GUCY1A2: variants seen among roughly 807,000 people sequenced by gnomAD.
The protein encoded by GUCY1A2 is guanylate cyclase soluble subunit alpha-2.
GUCY1A2 carries 27 observed loss-of-function variants against 63.5 expected under a neutral mutation model. That is an observed-to-expected ratio of 0.43 (90% CI 0.31 to 0.59). The LOEUF (loss-of-function observed/expected upper bound fraction) is 0.59. Among genes scored for constraint, GUCY1A2 ranks in the 20% least tolerant of loss-of-function variants. GUCY1A2 has a pLI of 0.11. For synonymous variants in GUCY1A2, 364 were observed against 343.5 expected (o/e 1.06, Z -0.66); for missense variants, 768 against 913.3 (o/e 0.84, Z 2.05).
At chr11:106,754,482 G>T (rs1863938080) in intron 6 of GUCY1A2, among the ~76,000 whole-genome samples, 1 of 152,060 alleles carries the variant, frequency 6.6e-6, no homozygotes, top group African/African-American at 2.4e-5. Flanking sequence ...GTATGATATT[G>T]GCTGTGGGTC....
chr11:106,722,364 T>C (rs1863331372), intron 6 of GUCY1A2, among the ~76,000 whole-genome samples: 1 of 151,928 alleles, frequency 6.6e-6, no homozygotes, highest in Non-Finnish European at 1.5e-5. Flanking sequence ...TCCTCCCAAA[T>C]TTAGCTATTT....
chr11:106,711,812 G>A (rs1863125127), intron 6 of GUCY1A2, among the ~76,000 whole-genome samples: 1 of 151,978 alleles, frequency 6.6e-6, no homozygotes, highest in Non-Finnish European at 1.5e-5. Flanking sequence ...ACTGCATATT[G>A]AATTCTAGGT....
At chr11:106,958,510 T>A (rs886980264) in intron 3 of GUCY1A2, among the ~76,000 whole-genome samples, 25 of 152,148 alleles carry the variant, frequency 1.6e-4, no homozygotes, top group African/African-American at 6.0e-4. Flanking sequence ...CTTTAAAGTA[T>A]CTGAAAATAG....
At chr11:106,787,868 T>A (rs113883968) in intron 5 of GUCY1A2, among the ~76,000 whole-genome samples, 1,932 of 152,184 alleles carry the variant, frequency 0.013, 25 homozygotes, top group South Asian at 0.048. Flanking sequence ...ATCTCTTCCA[T>A]ATACTTACTT....
At chr11:106,865,957 G>T (rs1859586536) in intron 4 of GUCY1A2, among the ~76,000 whole-genome samples, 1 of 151,704 alleles carries the variant, frequency 6.6e-6, no homozygotes, top group Non-Finnish European at 1.5e-5. Context: ...AACTTCTTGA[G>T]AAAATAAACA....
intron 4 of GUCY1A2, among the ~76,000 whole-genome samples, chr11:106,923,966 C>T (rs187476491): frequency 6.6e-6 from 1 of 152,024 alleles, no homozygotes; most frequent in Non-Finnish European, 1.5e-5. Context: ...TTGAGATAAA[C>T]CAAAATTATA....
chr11:106,932,890 G>A (rs1388759470), intron 4 of GUCY1A2, among the ~76,000 whole-genome samples: 2 of 152,112 alleles, frequency 1.3e-5, no homozygotes, highest in African/African-American at 2.4e-5. Flanking sequence ...TTCAATAAAT[G>A]GTGCTGGGAT....
intron 4 of GUCY1A2, among the ~76,000 whole-genome samples, chr11:106,864,982 A>G (rs572414583): frequency 7.6e-4 from 116 of 152,240 alleles, no homozygotes; most frequent in Admixed American, 1.6e-3. Flanking sequence ...AATGAATTTC[A>G]GAAGGAATGG....
chr11:107,011,735 C>A (rs773056283), intron 1 of GUCY1A2, among the ~76,000 whole-genome samples: 3 of 148,352 alleles, frequency 2.0e-5, no homozygotes, highest in South Asian at 2.1e-4. Flanking sequence ...AGTGAAAGTT[C>A]TACTCTTCAG....
intron 3 of GUCY1A2, among the ~76,000 whole-genome samples, chr11:106,957,892 G>A (rs12804633): frequency 0.38 from 38,856 of 101,762 alleles, 8,194 homozygotes; most frequent in Non-Finnish European, 0.46. Context: ...TTTTTTTTCA[G>A]AAAAAAAAGG....
At chr11:106,702,075 G>A (rs1187757730) in intron 7 of GUCY1A2, among the ~76,000 whole-genome samples, 1 of 152,086 alleles carries the variant, frequency 6.6e-6, no homozygotes, top group Non-Finnish European at 1.5e-5. Context: ...AATGTTCTTA[G>A]TGACTTATTT....
At chr11:106,909,780 G>A (rs1860268028) in intron 4 of GUCY1A2, among the ~76,000 whole-genome samples, 1 of 151,790 alleles carries the variant, frequency 6.6e-6, no homozygotes, top group Non-Finnish European at 1.5e-5. Context: ...GTTGCTTTTG[G>A]TTTTTAGCCA....
At chr11:106,708,709 T>C (rs757136157) in intron 6 of GUCY1A2, 43 bp from the exon 7 acceptor site, 1 of 1,381,966 alleles carries the variant, frequency 7.2e-7, no homozygotes, top group East Asian at 2.6e-5. Flanking sequence ...TTTGTTTCCA[T>C]TTGGTATGCA....
At chr11:106,794,890 C>G (rs1864726615) in intron 5 of GUCY1A2, among the ~76,000 whole-genome samples, 1 of 152,164 alleles carries the variant, frequency 6.6e-6, no homozygotes, top group Non-Finnish European at 1.5e-5. Flanking sequence ...TCCCTTCTTT[C>G]ATAGCAAATT....
intron 6 of GUCY1A2, among the ~76,000 whole-genome samples, chr11:106,737,601 C>G (rs567897377): frequency 1.8e-4 from 27 of 152,224 alleles, no homozygotes; most frequent in African/African-American, 5.8e-4. Flanking sequence ...CCCTGTGTCC[C>G]TGTGTTCTCA....
Position 106,681,021 on chromosome 11 carries a change from A to G in GUCY1A2, c.*6528T>C, listed in dbSNP as rs545477179. The G allele has an allele frequency of 6.3e-5, 13 of 205,956 alleles. No homozygotes were observed. In the South Asian group the frequency reaches 1.5e-3, roughly 24 times the overall value. 12.8% of individuals were successfully genotyped at this position (205,956 alleles called of 1,614,324 possible). ...AAATGATGAAGTAAATTTAACTACT[A>G]AAGAACTGATTATCATTGACTATGC... On this transcript the variant is annotated 3_prime_UTR_variant, in exon 8 of 8. Transcript: ENST00000526355.
chr11:106,821,848 A>G (rs553011428), intron 4 of GUCY1A2, among the ~76,000 whole-genome samples: 2 of 152,284 alleles, frequency 1.3e-5, no homozygotes, highest in South Asian at 4.1e-4. Flanking sequence ...GTTATCATTA[A>G]ATTATTATTA....
At chr11:106,812,544 C>T (rs892936091) in intron 4 of GUCY1A2, among the ~76,000 whole-genome samples, 6 of 151,788 alleles carry the variant, frequency 4.0e-5, no homozygotes, top group Non-Finnish European at 7.4e-5. Flanking sequence ...TTTACCATCA[C>T]AACTAGACCT....
chr11:106,693,070 T>A (rs1213540749), intron 7 of GUCY1A2, among the ~76,000 whole-genome samples: 1 of 152,198 alleles, frequency 6.6e-6, no homozygotes, highest in African/African-American at 2.4e-5. Flanking sequence ...CAGAATGCTG[T>A]CTACCAGGGG....
Sources: gnomAD v4.1 joint callset for allele counts (sites outside exome capture counted in the v4.1 genomes callset) on GRCh38, gnomAD v4.1.1 for gene constraint, MANE v1.5 for transcripts, NCBI Gene and HGNC (gene_info 2026-07-23, HGNC 2026-07-21) for gene names.